UBA6: variants seen among roughly 807,000 people sequenced by gnomAD.
UBA6 encodes the protein ubiquitin-like modifier-activating enzyme 6.
In UBA6, 87 loss-of-function variants were observed where a neutral mutation model predicts 148.3. The observed-to-expected ratio is 0.59, with a 90% CI of 0.49 to 0.70. The LOEUF is 0.70. Among genes scored for constraint, UBA6 ranks in the 30% least tolerant of loss-of-function variants. The probability of loss-of-function intolerance (pLI) is 0.00; values close to 1 mark genes in which losing one functional copy is unlikely to be tolerated. For missense variants in UBA6, 1,186 were observed against 1,241.2 expected, an observed-to-expected ratio of 0.96 and a Z score of 0.67; for synonymous variants, 376 against 401.0, an observed-to-expected ratio of 0.94 and a Z score of 0.75.
rs1728814370 is a variant in UBA6, at chr4:67,624,213, A to T, written c.2753T>A (p.Phe918Tyr). The T allele has an allele frequency of 1.2e-6, 2 of 1,610,620 alleles. No homozygotes were observed. The highest frequency in any genetic ancestry group is 3.4e-5 in the Admixed American group (2 of 59,440). Reference sequence around the variant, plus strand: ...AAGAAAACAATTTTTGTAAGCTTCAAATGGATAGCCACCAGTTACTTTGAT... The same window carrying T: ...AAGAAAACAATTTTTGTAAGCTTCATATGGATAGCCACCAGTTACTTTGAT... ...EMIKVTGGYP[F>Y]EAYKNCFLNL... Residue 918 changes from phenylalanine (F) to tyrosine (Y), a missense_variant, in exon 30 of 33, where the codon TTT (phenylalanine) becomes TAT (tyrosine). Transcript: ENST00000322244.
intron 25 of UBA6, 151 bp downstream of exon 25, chr4:67,631,557 G>T: frequency 1.7e-6 from 1 of 582,604 alleles, no homozygotes; most frequent in Non-Finnish European, 2.9e-6. Flanking sequence ...GGCTTTCTTG[G>T]TCAGAATGAC....
Position 67,616,396 on chromosome 4 carries a change from T to C in UBA6, c.*2601A>G. The C allele has an allele frequency of 6.1e-6, 2 of 327,654 alleles. No homozygotes were observed. The highest frequency in any genetic ancestry group is 8.0e-4 in the Middle Eastern group (1 of 1,252). 20.3% of individuals were successfully genotyped at this position (327,654 alleles called of 1,614,324 possible). A position where few individuals can be genotyped will look rare whatever the true frequency, so the allele number is the denominator to read the frequency against. On this transcript the variant is annotated 3_prime_UTR_variant, in exon 33 of 33. Transcript: ENST00000322244. ...AATAAACATAGTTGCTTTTTTAATG[T>C]TCCATGAATATCACCAGAGTGTGAC...
Position 67,694,233 on chromosome 4 carries a change from A to G in UBA6, c.134+2412T>C, listed in dbSNP as rs1194953154. The stretch of plus-strand genomic sequence containing the variant: ...TCCATCTCAAAAAAAAAAAAAAAAA[A>G]AAAAAAAAAAAGAAAAAATACAAAA... On this transcript the variant is annotated intron_variant, in intron 2 of 32. Transcript: ENST00000322244. Among the ~76,000 whole-genome samples the G allele has an allele frequency of 7.1e-3, 1,020 of 143,624 alleles. 7 individuals carry two copies. Among genetic ancestry groups the G allele is most frequent in the African/African-American group, 0.026 (963 of 36,678 alleles). 94.2% of individuals were successfully genotyped at this position (143,624 alleles called of 152,430 possible).
intron 18 of UBA6, among the ~76,000 whole-genome samples, chr4:67,639,917 T>A (rs1036837237): frequency 2.0e-5 from 3 of 152,208 alleles, no homozygotes; most frequent in Non-Finnish European, 4.4e-5. Flanking sequence ...CATGGCTAAC[T>A]GAAACTGTGG....
In UBA6 at chr4:67,625,043, C is replaced by G; in HGVS notation, c.2663G>C (p.Gly888Ala). ...ADRFKTKRIA[G>A]KIIPAIATTT... The stretch of plus-strand genomic sequence containing the variant: ...TGTTGCTATAGCAGGTATAATTTTA[C>G]CAGCTATGCGCTTTGTTTTGAAACG... The change falls in exon 29 of 33, where the codon GGT becomes GCT. Residue 888 changes from glycine to alanine, a missense_variant. Coordinates refer to ENST00000322244, the MANE Select transcript of UBA6 (RefSeq NM_018227.6). 1 of 1,611,604 alleles carries G rather than the reference C, an allele frequency of 6.2e-7. No individual in the cohort carries two copies. Among genetic ancestry groups the G allele is most frequent in the Non-Finnish European group, 8.5e-7 (1 of 1,178,306 alleles).
intron 2 of UBA6, among the ~76,000 whole-genome samples, chr4:67,692,971 G>T (rs1297310643): frequency 6.6e-6 from 1 of 152,124 alleles, no homozygotes; most frequent in African/African-American, 2.4e-5. Context: ...TACAACAGGG[G>T]CACCAAAAAG....
intron 16 of UBA6, 54 bp from the exon 17 acceptor site, chr4:67,644,832 AT>A: frequency 3.5e-6 from 3 of 865,638 alleles, no homozygotes; most frequent in Non-Finnish European, 5.6e-6. Context: ...TCTGTGAATC[AT>A]TTTACTTTGA....
At chr4:67,664,875 T>G (rs1272058511) in intron 10 of UBA6, among the ~76,000 whole-genome samples, 1 of 152,142 alleles carries the variant, frequency 6.6e-6, no homozygotes, top group African/African-American at 2.4e-5. Context: ...GAAAGTAAAT[T>G]GTAATAAGTA....
intron 5 of UBA6, 116 bp downstream of exon 5, chr4:67,678,323 T>C: frequency 1.9e-6 from 1 of 527,112 alleles, no homozygotes; most frequent in Non-Finnish European, 3.2e-6. Flanking sequence ...TTTACCTGTA[T>C]AAAGTAGAGC....
At chr4:67,654,328 C>G (rs567827202) in intron 13 of UBA6, among the ~76,000 whole-genome samples, 6 of 152,224 alleles carry the variant, frequency 3.9e-5, no homozygotes, top group Admixed American at 6.5e-5. Context: ...ATCAGACTAA[C>G]AGCGGATCTC....
chr4:67,623,428 A>G (rs1187066129), intron 30 of UBA6, among the ~76,000 whole-genome samples: 1 of 152,182 alleles, frequency 6.6e-6, no homozygotes, highest in Non-Finnish European at 1.5e-5. Flanking sequence ...ACTTTTAATC[A>G]GTACCTTGCT....
At position 67,695,017 on chromosome 4, in the gene UBA6, G is replaced by A. The variant is rs186968434; in HGVS notation, c.134+1628C>T. Among the ~76,000 whole-genome samples, 506 of 152,244 alleles carry A rather than the reference G, an allele frequency of 3.3e-3. 2 individuals are homozygous for A. Among genetic ancestry groups the A allele is most frequent in the African/African-American group, 0.011 (462 of 41,548 alleles). ...GTAAAGCAAACTGCAGCCTACTTAC[G>A]TAGCATTGTAAATGGAAAGTTTAGT... is the stretch of plus-strand genomic sequence containing the variant. On this transcript the variant is annotated intron_variant, in intron 2 of 32. Coordinates refer to ENST00000322244, the MANE Select transcript of UBA6 (RefSeq NM_018227.6).
At chr4:67,635,203 A>G (rs182319116) in intron 20 of UBA6, among the ~76,000 whole-genome samples, 1 of 152,272 alleles carries the variant, frequency 6.6e-6, no homozygotes, top group East Asian at 1.9e-4. Flanking sequence ...CTCAAAGGGT[A>G]TTAGAAAACT....
rs1301373369 is a variant in UBA6 at position 67,698,416 on chromosome 4, T to C, written c.72-1709A>G. 2.6e-5 allele frequency among the ~76,000 whole-genome samples: 4 copies of C among 152,238 alleles called. No individual in the cohort carries two copies. In the East Asian group the frequency reaches 7.7e-4, roughly 29 times the overall value. ...AATAGATAACCCTGTGCTACATATT[T>C]AAGTGCTTTAGATGTACTTATTCAG... On this transcript the variant is annotated intron_variant, in intron 1 of 32. Coordinates refer to ENST00000322244, the MANE Select transcript of UBA6 (RefSeq NM_018227.6).
intron 17 of UBA6, among the ~76,000 whole-genome samples, chr4:67,642,552 TA>T (rs1487688985): frequency 6.6e-6 from 1 of 152,056 alleles, no homozygotes; most frequent in African/African-American, 2.4e-5. Context: ...TAAGAACCAA[TA>T]AGTGGTAGTA....
intron 8 of UBA6, among the ~76,000 whole-genome samples, chr4:67,670,084 G>C (rs1730106051): frequency 6.6e-6 from 1 of 152,044 alleles, no homozygotes. Context: ...TAGTAGCTGG[G>C]ACCACACACC....
At position 67,644,776 on chromosome 4, in the gene UBA6, T is replaced by C; in HGVS notation, c.1398A>G (p.Val466=). ...TTTCACAGCCTATGGCTCCACACCC[T>C]ACCTATGGAGGAGAAAAATGGTATA... The part of the protein sequence containing the change: ...QKLQNLNIFL[V]GCGAIGCEML... The change falls in exon 17 of 33, where the codon GTA becomes GTG. Residue 466 remains valine (V), a splice_region_variant and synonymous_variant. Transcript: ENST00000322244. 6.3e-7 allele frequency: 1 copy of C among 1,592,142 alleles called. No homozygotes were observed. The highest frequency in any genetic ancestry group is 8.6e-7 in the Non-Finnish European group (1 of 1,160,662).
intron 2 of UBA6, among the ~76,000 whole-genome samples, chr4:67,691,859 T>C (rs1209356209): frequency 1.3e-5 from 2 of 152,188 alleles, no homozygotes; most frequent in African/African-American, 2.4e-5. Context: ...CTTACACTTT[T>C]TGTGAAAGAT....
chr4:67,673,617 C>A, intron 7 of UBA6, 80 bp downstream of exon 7: 2 of 810,360 alleles, frequency 2.5e-6, no homozygotes, highest in Non-Finnish European at 2.0e-6. Context: ...CTTATATAAC[C>A]CATCAATGAG....
Sources: allele counts gnomAD v4.1 joint callset (sites outside exome capture counted in the v4.1 genomes callset), GRCh38; gene constraint gnomAD v4.1.1; transcripts MANE v1.5; gene names NCBI Gene and HGNC (gene_info 2026-07-23, HGNC 2026-07-21).